Variants in C7orf33 observed in about 807,000 individuals in gnomAD.
C7orf33 encodes the protein uncharacterized protein C7orf33.
In C7orf33, 15 loss-of-function variants were observed where a neutral mutation model predicts 13.4. The ratio of observed to expected loss-of-function variants is 1.12; its 90% CI spans 0.75 to 1.72. C7orf33 has a LOEUF of 1.72. Ranked by LOEUF, C7orf33 falls within the 40% of genes most tolerant of loss-of-function variation. C7orf33 has a pLI of 0.00. For missense variants in C7orf33, 187 were observed against 220.3 expected (o/e 0.85, Z 0.96); for synonymous variants, 73 against 83.2 (o/e 0.88, Z 0.67).
At position 148,614,211 on chromosome 7, in the gene C7orf33, T is replaced by C; in HGVS notation, c.374T>C (p.Val125Ala). The change falls in exon 2 of 3, where the codon GTT (valine) becomes GCT (alanine). Residue 125 changes from valine (V) to alanine (A), a missense_variant. Coordinates refer to ENST00000307003, the MANE Select transcript of C7orf33 (RefSeq NM_145304.4). Reference sequence around the variant, plus strand: ...AGGATGGGCTTGTCCTCAGATCCAGTTGTCGGCACCTTGTCTTCCAGTTAC... The same window carrying C: ...AGGATGGGCTTGTCCTCAGATCCAGCTGTCGGCACCTTGTCTTCCAGTTAC... The part of the protein sequence containing the change: ...GTRMGLSSDP[V>A]VGTLSSSYLD... The C allele has an allele frequency of 6.2e-7, 1 of 1,614,222 alleles. No homozygotes were observed.
chr7:148,596,650 G>GC (rs1796343299), intron 1 of C7orf33, among the ~76,000 whole-genome samples: 1 of 152,078 alleles, frequency 6.6e-6, no homozygotes, highest in Non-Finnish European at 1.5e-5. Context: ...GGGGGAAACT[G>GC]CCCCCATGAT....
intron 1 of C7orf33, among the ~76,000 whole-genome samples, chr7:148,602,974 C>T (rs1796433275): frequency 1.3e-5 from 2 of 152,146 alleles, no homozygotes; most frequent in African/African-American, 4.8e-5. Flanking sequence ...CATTTATTCT[C>T]CAAAAGGCAT....
intron 1 of C7orf33, among the ~76,000 whole-genome samples, chr7:148,598,929 C>T (rs868520247): frequency 6.6e-6 from 1 of 151,914 alleles, no homozygotes; most frequent in African/African-American, 2.4e-5. Flanking sequence ...ATGGCACGAT[C>T]TTGGCTCACT....
rs1796262346 is a variant in C7orf33, at chr7:148,591,015, T to C, written c.90T>C (p.Ser30=). 1 of 1,613,936 alleles carries C rather than the reference T, an allele frequency of 6.2e-7. No homozygotes were observed. Among genetic ancestry groups the C allele is most frequent in the South Asian group, 1.1e-5 (1 of 91,074 alleles). ...GTGAATGTGAAGCCCTCCTGCCCAG[T>C]GGGGCAAGGCGCCGGATTGACCTTC... The part of the protein sequence containing the change: ...PQCECEALLP[S]GARRRIDLRL... The change falls in exon 1 of 3, where the codon AGT becomes AGC. Residue 30 remains serine, a synonymous_variant. Coordinates refer to ENST00000307003, the MANE Select transcript of C7orf33 (RefSeq NM_145304.4).
At chr7:148,612,352 T>C (rs1487119687) in intron 1 of C7orf33, among the ~76,000 whole-genome samples, 1 of 152,226 alleles carries the variant, frequency 6.6e-6, no homozygotes, top group Non-Finnish European at 1.5e-5. Context: ...GCTAGATATT[T>C]CTTTCAAAAT....
chr7:148,609,370 G>T (rs1796511047), intron 1 of C7orf33, among the ~76,000 whole-genome samples: 1 of 152,170 alleles, frequency 6.6e-6, no homozygotes, highest in Admixed American at 6.6e-5. Flanking sequence ...CAATGGCAGG[G>T]CATATGGGCC....
chr7:148,592,225 T>C (rs554275412), intron 1 of C7orf33, among the ~76,000 whole-genome samples: 112 of 152,232 alleles, frequency 7.4e-4, no homozygotes, highest in Admixed American at 9.8e-4. Context: ...AACAGCAGCA[T>C]GAACTGCAGG....
At chr7:148,611,272 C>A (rs1443246876) in intron 1 of C7orf33, among the ~76,000 whole-genome samples, 1 of 152,124 alleles carries the variant, frequency 6.6e-6, no homozygotes, top group Non-Finnish European at 1.5e-5. Flanking sequence ...CTCCTGTTTT[C>A]ATGACTGAAT....
rs944300064 is a variant in C7orf33 at position 148,595,020 on chromosome 7, A to G, written c.204+3891A>G. On this transcript the variant is annotated intron_variant, in intron 1 of 2. Transcript: ENST00000307003. Reference sequence around the variant, plus strand: ...GACTCTTAAGAAGCAGAAAGTCCTGACCACCTAACAATGAGCACCAGCTTT... The same window carrying G: ...GACTCTTAAGAAGCAGAAAGTCCTGGCCACCTAACAATGAGCACCAGCTTT... 4.6e-5 allele frequency among the ~76,000 whole-genome samples: 7 copies of G among 151,920 alleles called. No homozygotes were observed. In the South Asian group the frequency reaches 8.3e-4, roughly 18 times the overall value.
At chr7:148,598,726 A>G (rs1327946088) in intron 1 of C7orf33, among the ~76,000 whole-genome samples, 1 of 21,320 alleles carries the variant, frequency 4.7e-5, no homozygotes, top group African/African-American at 1.3e-4. Flanking sequence ...TCATTCCTGG[A>G]TATATATATA....
intron 1 of C7orf33, among the ~76,000 whole-genome samples, chr7:148,592,326 A>G (rs978195868): frequency 2.0e-5 from 3 of 152,208 alleles, no homozygotes; most frequent in African/African-American, 7.2e-5. Context: ...AAGAGTAAAA[A>G]GAAGAAAATA....
chr7:148,611,984 C>T (rs1316213143), intron 1 of C7orf33, among the ~76,000 whole-genome samples: 4 of 152,256 alleles, frequency 2.6e-5, no homozygotes, highest in Non-Finnish European at 5.9e-5. Context: ...GCTTTCAGTA[C>T]CTGCTCCCTC....
chr7:148,594,002 T>G (rs1296777544), intron 1 of C7orf33, among the ~76,000 whole-genome samples: 1 of 151,824 alleles, frequency 6.6e-6, no homozygotes, highest in Non-Finnish European at 1.5e-5. Context: ...GTTGTTTAAG[T>G]GTGTGGCACC....
chr7:148,607,786 T>C (rs1796490634), intron 1 of C7orf33, among the ~76,000 whole-genome samples: 1 of 152,234 alleles, frequency 6.6e-6, no homozygotes, highest in South Asian at 2.1e-4. Context: ...CGGGTTTAAA[T>C]ATGTTTCTTT....
intron 1 of C7orf33, among the ~76,000 whole-genome samples, chr7:148,603,492 C>T (rs747772774): frequency 6.6e-6 from 1 of 151,958 alleles, no homozygotes; most frequent in African/African-American, 2.4e-5. Flanking sequence ...GGCAACAGAG[C>T]GAGACTCTGT....
intron 1 of C7orf33, among the ~76,000 whole-genome samples, chr7:148,613,411 C>T (rs951011790): frequency 3.3e-5 from 5 of 152,166 alleles, no homozygotes; most frequent in Non-Finnish European, 5.9e-5. Flanking sequence ...ATGGAAACAA[C>T]CCAAATGTCC....
chr7:148,597,185 T>TAC (rs1020746178), intron 1 of C7orf33, among the ~76,000 whole-genome samples: 1 of 151,492 alleles, frequency 6.6e-6, no homozygotes, highest in African/African-American at 2.4e-5. Context: ...TATATATATA[T>TAC]ACACATATAT....
At chr7:148,610,735 T>TG (rs1796527846) in intron 1 of C7orf33, among the ~76,000 whole-genome samples, 1 of 152,014 alleles carries the variant, frequency 6.6e-6, no homozygotes, top group South Asian at 2.1e-4. Flanking sequence ...TTACATAGTA[T>TG]GGGGGACAAG....
intron 1 of C7orf33, among the ~76,000 whole-genome samples, chr7:148,600,631 A>G (rs1021631718): frequency 6.6e-6 from 1 of 152,102 alleles, no homozygotes; most frequent in South Asian, 2.1e-4. Context: ...AAAATTTGTT[A>G]TGCACCTATA....
Sources: allele counts gnomAD v4.1 joint callset (sites outside exome capture counted in the v4.1 genomes callset), GRCh38; gene constraint gnomAD v4.1.1; transcripts MANE v1.5; gene names NCBI Gene and HGNC (gene_info 2026-07-23, HGNC 2026-07-21).